MBP: variants seen among roughly 807,000 people sequenced by gnomAD.
MBP encodes the protein Golli-MBP.
MBP carries 16 observed loss-of-function variants against 35.8 expected under a neutral mutation model. That is an observed-to-expected ratio of 0.45 (90% CI 0.30 to 0.68). The LOEUF is 0.68. Ranked by LOEUF, MBP falls within the 30% of genes least tolerant of loss-of-function variation. The pLI, the probability that MBP is intolerant of heterozygous loss-of-function variation, is 0.08. For synonymous variants in MBP, 143 were observed against 159.6 expected (o/e 0.90, Z 0.78); for missense variants, 380 against 404.7 (o/e 0.94, Z 0.52).
Position 77,017,101 on chromosome 18 carries a change from C to A in MBP, c.307G>T (p.Glu103Ter). ...RLFSRDAPGR[E>*]DNTFKDRPSE... ...GGCCTGTCTTTGAAGGTGTTGTCCT[C>A]CCTCCCCGGGGCATCTCGGGAAAAG... The change falls in exon 4 of 9, where the codon GAG becomes TAG. Residue 103 changes from glutamate to a stop codon, truncating the protein, a stop_gained. Coordinates refer to ENST00000355994, the MANE Select transcript of MBP (RefSeq NM_001025101.2). LOFTEE classifies it high-confidence loss of function. The A allele has an allele frequency of 6.2e-7, 1 of 1,600,906 alleles. No individual in the cohort carries two copies. Among genetic ancestry groups the A allele is most frequent in the African/African-American group, 1.3e-5 (1 of 74,596 alleles).
At chr18:77,036,389 G>A (rs1161577086) in intron 3 of MBP, among the ~76,000 whole-genome samples, 3 of 142,354 alleles carry the variant, frequency 2.1e-5, no homozygotes, top group Admixed American at 6.8e-5. Flanking sequence ...CTGAGCAAGT[G>A]CTGCTCACGT....
chr18:77,081,882 C>T lies in MBP; in HGVS notation c.52-15497G>A, dbSNP rs1299583709. Among the ~76,000 whole-genome samples, 8 of 52,552 alleles carry T rather than the reference C, an allele frequency of 1.5e-4. No homozygotes were observed. In the South Asian group the frequency reaches 2.6e-3, roughly 17 times the overall value. 34.5% of individuals were successfully genotyped at this position (52,552 alleles called of 152,430 possible). ...TTTTTTTTTTTTTGAGACGGAGTCT[C>T]GCTCTGTCGCACAGGCTGGAGTGCA... is the stretch of plus-strand genomic sequence containing the variant. On this transcript the variant is annotated intron_variant, in intron 2 of 8. Transcript: ENST00000355994.
At chr18:77,072,818 CAGG>C (rs1457818104) in intron 2 of MBP, among the ~76,000 whole-genome samples, 18 of 152,226 alleles carry the variant, frequency 1.2e-4, no homozygotes, top group African/African-American at 4.1e-4. Context: ...TCAGTATCCC[CAGG>C]AGGACAGTGG....
At chr18:77,062,680 G>C (rs1974029608) in intron 3 of MBP, among the ~76,000 whole-genome samples, 1 of 152,218 alleles carries the variant, frequency 6.6e-6, no homozygotes, top group South Asian at 2.1e-4. Context: ...ACAGAGACGA[G>C]GAGGAAGGCT....
At chr18:77,046,198 G>C (rs1429192652) in intron 3 of MBP, among the ~76,000 whole-genome samples, 3 of 152,176 alleles carry the variant, frequency 2.0e-5, no homozygotes, top group African/African-American at 7.2e-5. Flanking sequence ...AAAACCTATA[G>C]AGACTTCACG....
chr18:77,004,547 G>C (rs915244235), intron 4 of MBP: 4 of 152,172 alleles, frequency 2.6e-5, no homozygotes, highest in African/African-American at 9.7e-5. Flanking sequence ...TTTCTTTACA[G>C]AAAGCTGTGC....
At chr18:77,066,180 G>C in intron 3 of MBP, 118 bp downstream of exon 3, 1 of 732,384 alleles carries the variant, frequency 1.4e-6, no homozygotes, top group South Asian at 1.6e-5. Flanking sequence ...TTAGTAATGA[G>C]TACAGACAGA....
At chr18:76,986,072 G>A (rs562375750) in intron 7 of MBP, 30 of 985,650 alleles carry the variant, frequency 3.0e-5, no homozygotes, top group African/African-American at 5.2e-5. Flanking sequence ...GAGTCTGGGC[G>A]CGGTGGACGT....
At chr18:77,105,998 G>T (rs535498768) in intron 1 of MBP, among the ~76,000 whole-genome samples, 2 of 152,274 alleles carry the variant, frequency 1.3e-5, no homozygotes, top group Admixed American at 1.3e-4. Context: ...GCCTTCCTGC[G>T]GAACCTGCCC....
chr18:77,069,825 C>T (rs993209980), intron 2 of MBP, among the ~76,000 whole-genome samples: 1 of 152,172 alleles, frequency 6.6e-6, no homozygotes, highest in Non-Finnish European at 1.5e-5. Flanking sequence ...ATCCCTCACA[C>T]CAAAGCGGCC....
chr18:77,025,225 G>A (rs1286708408), intron 3 of MBP, among the ~76,000 whole-genome samples: 5 of 152,180 alleles, frequency 3.3e-5, no homozygotes. Context: ...GCCCAAAGTG[G>A]CTTTCACTGC....
At chr18:77,037,036 G>A (rs1353961177) in intron 3 of MBP, among the ~76,000 whole-genome samples, 1 of 146,012 alleles carries the variant, frequency 6.8e-6, no homozygotes, top group East Asian at 2.1e-4. Flanking sequence ...GGACTGAGCT[G>A]AGTAAGTGCT....
At chr18:77,112,146 C>T (rs535207151) in intron 1 of MBP, among the ~76,000 whole-genome samples, 40 of 149,386 alleles carry the variant, frequency 2.7e-4, no homozygotes, top group African/African-American at 8.8e-4. Context: ...ACCAAAAACC[C>T]GTAGAATGAA....
At chr18:77,005,471 G>A (rs567686530) in intron 4 of MBP, 26 of 152,288 alleles carry the variant, frequency 1.7e-4, no homozygotes, top group African/African-American at 6.3e-4. Flanking sequence ...TCTTCCTCAT[G>A]GCAAGAGGGA....
At chr18:77,052,745 C>T (rs1973545935) in intron 3 of MBP, among the ~76,000 whole-genome samples, 1 of 152,212 alleles carries the variant, frequency 6.6e-6, no homozygotes, top group Non-Finnish European at 1.5e-5. Flanking sequence ...CAGCCACTAT[C>T]CTCGCCTTGG....
At chr18:77,027,385 G>A (rs1405284964) in intron 3 of MBP, among the ~76,000 whole-genome samples, 1 of 152,142 alleles carries the variant, frequency 6.6e-6, no homozygotes, top group African/African-American at 2.4e-5. Flanking sequence ...ACGCCTGCCC[G>A]CACACGCCTG....
chr18:77,116,732 G>A (rs1205659844), intron 1 of MBP, among the ~76,000 whole-genome samples: 3 of 152,182 alleles, frequency 2.0e-5, no homozygotes, highest in Non-Finnish European at 4.4e-5. Context: ...GGTGGTGCAT[G>A]CCTGTAATCC....
At chr18:77,082,685 A>T (rs7234396) in intron 2 of MBP, among the ~76,000 whole-genome samples, 2 of 19,086 alleles carry the variant, frequency 1.0e-4, no homozygotes, top group Non-Finnish European at 1.7e-4. Flanking sequence ...TCCTCCCTGC[A>T]GCAGCTGGAC....
intron 3 of MBP, among the ~76,000 whole-genome samples, chr18:77,051,783 A>T (rs1973498019): frequency 6.6e-6 from 1 of 152,236 alleles, no homozygotes; most frequent in Non-Finnish European, 1.5e-5. Flanking sequence ...TTGATGCGTG[A>T]AGACCAGGGG....
Sources: gnomAD v4.1 joint callset for allele counts (sites outside exome capture counted in the v4.1 genomes callset) on GRCh38, gnomAD v4.1.1 for gene constraint, MANE v1.5 for transcripts, NCBI Gene and HGNC (gene_info 2026-07-23, HGNC 2026-07-21) for gene names.